Variants in IPO11 observed in about 807,000 individuals in gnomAD.
The protein encoded by IPO11 is importin 11, also known as importin-11.
In IPO11, 66 loss-of-function variants were observed where a neutral mutation model predicts 143.2. The ratio of observed to expected loss-of-function variants is 0.46; its 90% confidence interval spans 0.38 to 0.57. The LOEUF (loss-of-function observed/expected upper bound fraction) is 0.57, where lower values mean the gene tolerates loss of function less well. Ranked by LOEUF, IPO11 falls within the 20% of genes least tolerant of loss-of-function variation. The probability of loss-of-function intolerance (pLI) is 0.00; values close to 1 mark genes in which losing one functional copy is unlikely to be tolerated. For synonymous variants in IPO11, 385 were observed against 377.8 expected, an observed-to-expected ratio of 1.02 and a Z score of -0.22; for missense variants, 1,026 against 1,141.0, an observed-to-expected ratio of 0.90 and a Z score of 1.45.
At chr5:62,419,085 G>A (rs1743403512) in intron 1 of IPO11, 4 of 1,550,776 alleles carry the variant, frequency 2.6e-6, no homozygotes. Flanking sequence ...AGCCTGTACA[G>A]CATGTTACTG....
At chr5:62,492,874 T>C (rs1331812293) in intron 15 of IPO11, among the ~76,000 whole-genome samples, 1 of 152,172 alleles carries the variant, frequency 6.6e-6, no homozygotes, top group African/African-American at 2.4e-5. Flanking sequence ...TTTTCCTGTG[T>C]GCTTGATCAT....
chr5:62,591,781 TTTCTC>T lies in IPO11; in HGVS notation c.2678+112_2678+116del, dbSNP rs1745031082. On this transcript the variant is annotated intron_variant, in intron 28 of 29. Transcript: ENST00000325324. ...TAAGCACAGTATGAAAGTTTTATAA[TTTCTC>T]TTTTATACAGAAACGTTTTTGTTAT... is the stretch of plus-strand genomic sequence containing the variant. 3 of 628,128 alleles carry T rather than the reference TTTCTC, an allele frequency of 4.8e-6. 1 individual carries two copies. The highest frequency in any genetic ancestry group is 3.5e-4 in the Middle Eastern group (1 of 2,884). 38.9% of individuals were successfully genotyped at this position (628,128 alleles called of 1,614,324 possible).
chr5:62,472,826 G>C (rs1434018530), intron 7 of IPO11, among the ~76,000 whole-genome samples: 1 of 152,114 alleles, frequency 6.6e-6, no homozygotes, highest in Non-Finnish European at 1.5e-5. Context: ...ACCACACTTG[G>C]CTTAAAAATC....
chr5:62,483,280 C>T lies in IPO11; in HGVS notation c.1008C>T (p.Ser336=). 6.4e-7 allele frequency: 1 copy of T among 1,551,578 alleles called. No homozygotes were observed. Among genetic ancestry groups the T allele is most frequent in the Non-Finnish European group, 8.7e-7 (1 of 1,147,738 alleles). ...TCAAAAATTATGCTTATAAGCCATC[C>T]AAAAATTTTGAAGGTAATTCCTTTA... ...MIVKNYAYKP[S]KNFEDSSPET... is the part of the protein sequence containing the mutation. Residue 336 remains serine, a synonymous_variant, in exon 10 of 30, where the codon TCC becomes TCT. Coordinates refer to ENST00000325324, the MANE Select transcript of IPO11 (RefSeq NM_016338.5).
intron 20 of IPO11, among the ~76,000 whole-genome samples, chr5:62,525,496 G>T (rs568793562): frequency 2.6e-5 from 4 of 152,122 alleles, no homozygotes; most frequent in South Asian, 2.1e-4. Flanking sequence ...CGATCCTCCT[G>T]CCTCAGTCTC....
intron 22 of IPO11, among the ~76,000 whole-genome samples, chr5:62,532,019 C>T (rs1275477109): frequency 1.3e-5 from 2 of 152,160 alleles, no homozygotes; most frequent in Non-Finnish European, 2.9e-5. Flanking sequence ...CTACTTTAGG[C>T]AGTCCACAGG....
intron 7 of IPO11, among the ~76,000 whole-genome samples, chr5:62,471,036 C>T (rs879645665): frequency 2.6e-5 from 4 of 151,644 alleles, no homozygotes; most frequent in African/African-American, 4.8e-5. Context: ...CCATTTCTGC[C>T]AGGCTGGTCT....
At position 62,451,843 on chromosome 5, in the gene IPO11, T is replaced by A; in HGVS notation, c.426T>A (p.Leu142=). 2 of 1,614,064 alleles carry A rather than the reference T, an allele frequency of 1.2e-6. No homozygotes were observed. The highest frequency in any genetic ancestry group is 1.7e-6 in the Non-Finnish European group (2 of 1,179,894). Residue 142 remains leucine, a synonymous_variant, in exon 5 of 30, where the codon CTT becomes CTA. Coordinates refer to ENST00000325324, the MANE Select transcript of IPO11 (RefSeq NM_016338.5). ...AGTCTGTTAAAGTCCAGGATGATCTTCGACAGCACAGAGCATTACTTACCT... is the reference window on the plus strand; with the variant it reads ...AGTCTGTTAAAGTCCAGGATGATCTACGACAGCACAGAGCATTACTTACCT... The part of the protein sequence containing the change: ...LIESVKVQDD[L]RQHRALLTFY...
At chr5:62,551,182 C>T in intron 25 of IPO11, 41 bp from the exon 26 acceptor site, 1 of 1,097,242 alleles carries the variant, frequency 9.1e-7, no homozygotes. Context: ...TTTACTTGTA[C>T]CATAACACAA....
chr5:62,467,753 G>C (rs1341374058), intron 6 of IPO11, among the ~76,000 whole-genome samples: 1 of 151,958 alleles, frequency 6.6e-6, no homozygotes, highest in Non-Finnish European at 1.5e-5. Context: ...CCTGTGTCTT[G>C]GTATATGTTG....
At chr5:62,546,507 C>T (rs1045023099) in intron 24 of IPO11, among the ~76,000 whole-genome samples, 25 of 151,752 alleles carry the variant, frequency 1.6e-4, no homozygotes, top group Non-Finnish European at 2.7e-4. Context: ...AAATGACGAG[C>T]TAATGGGTGC....
intron 20 of IPO11, among the ~76,000 whole-genome samples, chr5:62,525,777 G>A (rs908730232): frequency 2.0e-5 from 3 of 152,114 alleles, no homozygotes; most frequent in African/African-American, 7.2e-5. Flanking sequence ...GTTCATTTTA[G>A]ATTAATTATT....
intron 3 of IPO11, 28 bp downstream of exon 3, chr5:62,443,111 T>A: frequency 1.4e-6 from 2 of 1,405,792 alleles, no homozygotes; most frequent in South Asian, 1.2e-5. Context: ...CCCTATTCCT[T>A]GAGTATAATC....
chr5:62,429,825 G>T (rs1294161024), intron 1 of IPO11, among the ~76,000 whole-genome samples: 3 of 151,728 alleles, frequency 2.0e-5, no homozygotes. Flanking sequence ...GGGTTTCACC[G>T]TGTCAGCCAG....
At chr5:62,597,974 C>T (rs1039423651) in intron 28 of IPO11, among the ~76,000 whole-genome samples, 3 of 152,154 alleles carry the variant, frequency 2.0e-5, no homozygotes, top group African/African-American at 4.8e-5. Context: ...TGCAGGCTAC[C>T]ATTCCTCATC....
chr5:62,495,281 A>G (rs1026600736), intron 16 of IPO11, among the ~76,000 whole-genome samples: 4 of 152,182 alleles, frequency 2.6e-5, no homozygotes, highest in Non-Finnish European at 4.4e-5. Flanking sequence ...TAAAATTTCT[A>G]TTTGCTAAAA....
At chr5:62,501,518 T>C (rs905960245) in intron 16 of IPO11, among the ~76,000 whole-genome samples, 1 of 152,206 alleles carries the variant, frequency 6.6e-6, no homozygotes, top group African/African-American at 2.4e-5. Flanking sequence ...AGAATTTTTT[T>C]CTTGAAAGGA....
intron 28 of IPO11, among the ~76,000 whole-genome samples, chr5:62,598,526 CTTTT>C (rs1745359553): frequency 4.1e-4 from 2 of 4,826 alleles, no homozygotes; most frequent in Admixed American, 2.6e-3. Context: ...TTCTTTCTTT[CTTTT>C]CTTTCTTTTC....
chr5:62,611,646 A>T (rs1382910119), intron 29 of IPO11, among the ~76,000 whole-genome samples: 3 of 152,162 alleles, frequency 2.0e-5, no homozygotes, highest in Admixed American at 6.5e-5. Context: ...ATTGTGATGA[A>T]TTCAGTAACT....
Sources: allele counts gnomAD v4.1 joint callset (sites outside exome capture counted in the v4.1 genomes callset), GRCh38; gene constraint gnomAD v4.1.1; transcripts MANE v1.5; gene names NCBI Gene and HGNC (gene_info 2026-07-23, HGNC 2026-07-21).